The following KDM5B variants were observed in gnomAD, a reference collection of about 807,000 sequenced individuals.
KDM5B encodes lysine demethylase 5B.
Under a neutral mutation model 193.4 loss-of-function variants are expected in KDM5B, and 144 were observed. The ratio of observed to expected loss-of-function variants is 0.74; its 90% confidence interval spans 0.65 to 0.86. The LOEUF (loss-of-function observed/expected upper bound fraction) is 0.86, where lower values mean the gene tolerates loss of function less well. Among genes scored for constraint, KDM5B ranks in the 40% least tolerant of loss-of-function variants. KDM5B has a pLI of 0.00. For missense variants in KDM5B, 1,833 were observed against 1,886.9 expected, an observed-to-expected ratio of 0.97 and a Z score of 0.53; for synonymous variants, 668 against 682.6, an observed-to-expected ratio of 0.98 and a Z score of 0.33.
chr1:202,754,931 C>T (rs576575487), intron 11 of KDM5B, among the ~76,000 whole-genome samples: 16 of 152,332 alleles, frequency 1.1e-4, no homozygotes, highest in African/African-American at 3.8e-4. Context: ...GTGATCCGCC[C>T]ATCTTGGCCT....
At position 202,740,710 on chromosome 1, in the gene KDM5B, T is replaced by G; in HGVS notation, c.3048A>C (p.Arg1016Ser). Residue 1016 changes from arginine (R) to serine (S), a missense_variant, in exon 20 of 27, where the codon AGA (arginine) becomes AGC (serine). Arg to Ser is a moderately radical substitution (Grantham distance 110, BLOSUM62 -1). This residue lies in a region of KDM5B where 1,379 missense variants were observed against 1,349.6 expected (regional missense o/e 1.02). Coordinates refer to ENST00000367265, the MANE Select transcript of KDM5B (RefSeq NM_006618.5). ...NGAALKDSVQ[R>S]ARDWLQDVEG... Reference sequence around the variant, plus strand: ...CTACATCCTGAAGCCAGTCTCTGGCTCTCTGCACTGAGTCTTTCAGAGCCG... The same window carrying G: ...CTACATCCTGAAGCCAGTCTCTGGCGCTCTGCACTGAGTCTTTCAGAGCCG... 1 of 1,612,870 alleles carries G rather than the reference T, an allele frequency of 6.2e-7. No individual in the cohort carries two copies. The highest frequency in any genetic ancestry group is 8.5e-7 in the Non-Finnish European group (1 of 1,179,914).
intron 16 of KDM5B, 109 bp from the exon 17 acceptor site, chr1:202,742,914 T>G: frequency 1.1e-6 from 1 of 901,550 alleles, no homozygotes. Context: ...AAATGTAACT[T>G]ACAAATGTTT....
intron 16 of KDM5B, among the ~76,000 whole-genome samples, chr1:202,745,100 GA>G (rs1378710338): frequency 2.6e-5 from 4 of 152,124 alleles, no homozygotes; most frequent in Non-Finnish European, 5.9e-5. Context: ...GCTAAATGAT[GA>G]AAACACATGG....
intron 1 of KDM5B, among the ~76,000 whole-genome samples, chr1:202,779,003 A>T (rs1657081658): frequency 6.6e-6 from 1 of 152,178 alleles, no homozygotes; most frequent in Non-Finnish European, 1.5e-5. Context: ...TACAGTAGAA[A>T]AATAAAACAC....
chr1:202,782,274 TA>T (rs1364535976), intron 1 of KDM5B, among the ~76,000 whole-genome samples: 2 of 152,130 alleles, frequency 1.3e-5, no homozygotes, highest in Admixed American at 6.6e-5. Flanking sequence ...TAGACTCCAA[TA>T]AAAAAATTAA....
At chr1:202,775,885 T>A (rs377706188) in intron 2 of KDM5B, among the ~76,000 whole-genome samples, 9,111 of 97,042 alleles carry the variant, frequency 0.094, 503 homozygotes, top group East Asian at 0.2. Context: ...AAAAAATATA[T>A]ATATATATAT....
At chr1:202,763,411 C>A (rs535116305) in intron 6 of KDM5B, among the ~76,000 whole-genome samples, 3 of 152,220 alleles carry the variant, frequency 2.0e-5, no homozygotes, top group Non-Finnish European at 4.4e-5. Context: ...TCTAAGGTTA[C>A]ATAACTAGTT....
At chr1:202,752,447 G>A (rs1486299147) in intron 12 of KDM5B, among the ~76,000 whole-genome samples, 1 of 150,774 alleles carries the variant, frequency 6.6e-6, no homozygotes, top group East Asian at 2.1e-4. Context: ...GTTTGTGTAA[G>A]TACACTCCAT....
intron 5 of KDM5B, among the ~76,000 whole-genome samples, chr1:202,764,385 G>A (rs1266897711): frequency 6.6e-6 from 1 of 151,938 alleles, no homozygotes; most frequent in Non-Finnish European, 1.5e-5. Context: ...ACCTGTAATC[G>A]CAGCACTTTG....
intron 22 of KDM5B, among the ~76,000 whole-genome samples, 154 bp from the exon 23 acceptor site, chr1:202,734,040 C>T (rs996795869): frequency 2.6e-5 from 4 of 152,042 alleles, no homozygotes; most frequent in Admixed American, 1.3e-4. Context: ...GACCTGGTGC[C>T]ATGTATTCCA....
Position 202,741,413 on chromosome 1 carries a change from C to G in KDM5B, c.2899G>C (p.Val967Leu). The part of the protein sequence containing the change: ...AMARLQELLT[V>L]SEHWDDKAKS... ...GCTTTGTCGTCCCAGTGCTCTGACA[C>G]TGTGAGCAGTTCCTGCAGCCGGGCC... The change falls in exon 19 of 27, where the codon GTG (valine) becomes CTG (leucine). Residue 967 changes from valine to leucine, a missense_variant. Physicochemically the swap from Val to Leu is conservative, Grantham distance 32 (BLOSUM62 1). Transcript: ENST00000367265. 6.3e-7 allele frequency: 1 copy of G among 1,594,992 alleles called. No homozygotes were observed. Among genetic ancestry groups the G allele is most frequent in the South Asian group, 1.1e-5 (1 of 88,478 alleles).
chr1:202,738,447 A>C (rs1349262375), intron 20 of KDM5B, among the ~76,000 whole-genome samples: 1 of 152,192 alleles, frequency 6.6e-6, no homozygotes, highest in African/African-American at 2.4e-5. Flanking sequence ...GTCCATAGTA[A>C]ATACTTTTGT....
intron 20 of KDM5B, among the ~76,000 whole-genome samples, chr1:202,738,147 A>T (rs375933120): frequency 2.0e-5 from 3 of 152,240 alleles, no homozygotes; most frequent in African/African-American, 4.8e-5. Context: ...AAAAAAAGGT[A>T]GGCTACTTTT....
chr1:202,808,384 G>T lies in KDM5B; in HGVS notation c.-79C>A. ...GAGCTCCGCTCGGTCCGAGACCCGT[G>T]CAGACGCGGCTCGAGCAACAGCAAG... On this transcript the variant is annotated 5_prime_UTR_variant, in exon 1 of 27. Transcript: ENST00000367265. 3 of 1,325,830 alleles carry T rather than the reference G, an allele frequency of 2.3e-6. No individual in the cohort carries two copies. The highest frequency in any genetic ancestry group is 3.0e-6 in the Non-Finnish European group (3 of 992,674). 82.1% of individuals were successfully genotyped at this position (1,325,830 alleles called of 1,614,324 possible).
intron 2 of KDM5B, 96 bp downstream of exon 2, chr1:202,776,921 A>G: frequency 1.2e-6 from 1 of 831,356 alleles, no homozygotes; most frequent in African/African-American, 1.7e-5. Flanking sequence ...AAACAGATTT[A>G]CAATGGTGAT....
At chr1:202,792,261 G>A (rs1015611207) in intron 1 of KDM5B, among the ~76,000 whole-genome samples, 2 of 70,032 alleles carry the variant, frequency 2.9e-5, no homozygotes, top group Non-Finnish European at 5.6e-5. Context: ...TTTTTTTTTT[G>A]AGAATTCCTT....
chr1:202,729,219 G>T, intron 26 of KDM5B, 46 bp from the exon 27 acceptor site: 1 of 1,610,546 alleles, frequency 6.2e-7, no homozygotes, highest in Non-Finnish European at 8.5e-7. Context: ...GGAAAAAATG[G>T]ATTCAAAATT....
chr1:202,792,823 G>A (rs1462047432), intron 1 of KDM5B, among the ~76,000 whole-genome samples: 2 of 151,922 alleles, frequency 1.3e-5, no homozygotes, highest in Admixed American at 6.6e-5. Flanking sequence ...GTGAAACCCC[G>A]TCTCTACTAA....
chr1:202,775,911 A>T (rs546258003), intron 2 of KDM5B, among the ~76,000 whole-genome samples: 51 of 146,028 alleles, frequency 3.5e-4, no homozygotes, highest in African/African-American at 1.2e-3. Context: ...TATAATATAT[A>T]CACACACATA....
Sources: gnomAD v4.1 joint callset for allele counts (sites outside exome capture counted in the v4.1 genomes callset) on GRCh38, gnomAD v4.1.1 for gene constraint, gnomAD v4.1.1 regional missense constraint, MANE v1.5 for transcripts, NCBI Gene and HGNC (gene_info 2026-07-23, HGNC 2026-07-21) for gene names.